The following SLC17A9 variants were observed in gnomAD, a reference collection of about 807,000 sequenced individuals.
SLC17A9 encodes voltage-gated purine nucleotide uniporter SLC17A9.
In SLC17A9, 49 loss-of-function variants were observed where a neutral mutation model predicts 55.0. The ratio of observed to expected loss-of-function variants is 0.89; its 90% CI spans 0.71 to 1.13. SLC17A9 has a LOEUF of 1.13. SLC17A9 is among the 50% of genes most tolerant of loss of function. SLC17A9 has a pLI of 0.00. For synonymous variants in SLC17A9, 256 were observed against 247.4 expected (o/e 1.03, Z -0.32); for missense variants, 526 against 569.3 (o/e 0.92, Z 0.77).
rs1401882722 is a variant in SLC17A9 at position 62,962,734 on chromosome 20, G to A, written c.608G>A (p.Arg203Lys). 2.5e-6 allele frequency: 4 copies of A among 1,613,830 alleles called. No individual in the cohort carries two copies. Among genetic ancestry groups the A allele is most frequent in the Middle Eastern group, 3.3e-4 (2 of 6,084 alleles). ...TTGCTTTGGGTGTGGTACGTGTACA[G>A]GTACCTGCTGAGTGAAAAAGGTAAC... ...LTLLWVWYVY[R>K]YLLSEKDLIL... The change falls in exon 5 of 13, where the codon AGG becomes AAG. Residue 203 changes from arginine (R) to lysine (K), a missense_variant. Coordinates refer to ENST00000370351, the MANE Select transcript of SLC17A9 (RefSeq NM_022082.4). The surrounding 1 kb of genome is among the most constrained non-coding windows in gnomAD (Gnocchi z 5.5).
chr20:62,965,881 G>A (rs1020017686), intron 10 of SLC17A9, among the ~76,000 whole-genome samples, 156 bp downstream of exon 10: 9 of 152,248 alleles, frequency 5.9e-5, no homozygotes, highest in African/African-American at 1.9e-4. Context: ...TGAAGACCCA[G>A]TAGTTCTTTA....
At chr20:62,955,312 T>C (rs915341328) in intron 1 of SLC17A9, among the ~76,000 whole-genome samples, 3 of 151,594 alleles carry the variant, frequency 2.0e-5, no homozygotes, top group Admixed American at 6.6e-5. Context: ...TACGCCTGGC[T>C]AATTTTTACA....
At chr20:62,957,692 G>C (rs2065549649) in intron 3 of SLC17A9, 112 bp downstream of exon 3, 2 of 983,592 alleles carry the variant, frequency 2.0e-6, no homozygotes, top group Non-Finnish European at 2.8e-6. Context: ...TGGTGTACAA[G>C]TGTGTGTGTA....
rs551650062 is a variant in SLC17A9 at position 62,957,849 on chromosome 20, G to C, written c.397+269G>C. Among the ~76,000 whole-genome samples the C allele has an allele frequency of 1.6e-3, 181 of 116,362 alleles. 9 individuals carry two copies. The highest frequency in any genetic ancestry group is 4.8e-3 in the African/African-American group (171 of 35,688). The allele number at this position is 116,362 out of a possible 152,430, so 76.3% of individuals were successfully genotyped here. A position where few individuals can be genotyped will look rare whatever the true frequency, so the allele number is the denominator to read the frequency against. On this transcript the variant is annotated intron_variant, in intron 3 of 12. Transcript: ENST00000370351. ...CATGCCCGCGTGCATGCGTGCACCT[G>C]TGCGTGTGCGTGTGCAAGTGTGTGT...
At chr20:62,960,164 CAT>C (rs1491093295) in intron 3 of SLC17A9, among the ~76,000 whole-genome samples, 1 of 152,192 alleles carries the variant, frequency 6.6e-6, no homozygotes. Context: ...TGTGCAGGCG[CAT>C]GTGTGTGTGT....
chr20:62,960,604 G>GT lies in SLC17A9; in HGVS notation c.497+2dup. ...TCGTGGGCGCCGGCTCCCAGTTTGG[G>GT]TAAGTCCTGGCCTAAGACGGGGCCC... is the stretch of plus-strand genomic sequence containing the variant. On this transcript the variant is annotated splice_donor_variant, in intron 4 of 12. Coordinates refer to ENST00000370351, the MANE Select transcript of SLC17A9 (RefSeq NM_022082.4). LOFTEE classifies it high-confidence loss of function. 6.2e-7 allele frequency: 1 copy of GT among 1,610,434 alleles called. No homozygotes were observed. The highest frequency in any genetic ancestry group is 8.5e-7 in the Non-Finnish European group (1 of 1,179,160).
intron 1 of SLC17A9, among the ~76,000 whole-genome samples, chr20:62,953,459 G>C (rs1257170407): frequency 6.6e-6 from 1 of 152,246 alleles, no homozygotes; most frequent in African/African-American, 2.4e-5. Context: ...AGGCTCCCTG[G>C]GCAGGTGACG....
At chr20:62,960,703 A>T (rs1472281571) in intron 4 of SLC17A9, 100 bp downstream of exon 4, 2 of 1,180,132 alleles carry the variant, frequency 1.7e-6, no homozygotes, top group Non-Finnish European at 2.4e-6. Context: ...ATGGGCTTGC[A>T]GGGCCACCAT....
At chr20:62,965,392 C>T (rs1022194875) in intron 9 of SLC17A9, among the ~76,000 whole-genome samples, 1 of 152,006 alleles carries the variant, frequency 6.6e-6, no homozygotes, top group Non-Finnish European at 1.5e-5. Flanking sequence ...CTGAGCTTGC[C>T]CACGTCGAAT....
intron 12 of SLC17A9, 98 bp from the exon 13 acceptor site, chr20:62,967,239 C>A (rs2147662858): frequency 6.9e-7 from 1 of 1,456,322 alleles, no homozygotes; most frequent in Non-Finnish European, 9.5e-7. Flanking sequence ...GGCGCTAGAC[C>A]CCCAGCCCTT....
intron 1 of SLC17A9, among the ~76,000 whole-genome samples, chr20:62,956,261 G>A (rs988739053): frequency 1.3e-5 from 2 of 152,198 alleles, no homozygotes; most frequent in East Asian, 1.9e-4. Context: ...CGAGAAGGCC[G>A]TATACCTGCC....
intron 1 of SLC17A9, 51 bp from the exon 2 acceptor site, chr20:62,956,714 G>T: frequency 6.5e-7 from 1 of 1,541,254 alleles, no homozygotes; most frequent in Admixed American, 1.8e-5. Context: ...TGAACTCGAA[G>T]CAGCAGGGCC....
intron 8 of SLC17A9, among the ~76,000 whole-genome samples, chr20:62,964,799 A>G (rs1317635866): frequency 1.3e-5 from 2 of 152,246 alleles, no homozygotes; most frequent in Non-Finnish European, 2.9e-5. Context: ...TGCAAAAGGA[A>G]TACACACTCG....
rs2065663555 is a variant in SLC17A9 at position 62,969,167 on chromosome 20, C to T, written c.*1667C>T. The T allele has an allele frequency of 1.3e-5, 2 of 152,200 alleles. No individual in the cohort carries two copies. Among genetic ancestry groups the T allele is most frequent in the Non-Finnish European group, 2.9e-5 (2 of 68,050 alleles). 9.4% of individuals were successfully genotyped at this position (152,200 alleles called of 1,614,324 possible). On this transcript the variant is annotated 3_prime_UTR_variant, in exon 13 of 13. Transcript: ENST00000370351. The stretch of plus-strand genomic sequence containing the variant: ...CCTGCGGCTGAGTTCAGAGGTGGGG[C>T]CTGTGCGTTGTGAATGAATTGCTGT...
At chr20:62,955,512 A>G (rs1359474096) in intron 1 of SLC17A9, among the ~76,000 whole-genome samples, 1 of 151,088 alleles carries the variant, frequency 6.6e-6, no homozygotes, top group Non-Finnish European at 1.5e-5. Context: ...GGATGTCCCC[A>G]TGTTTCCCAG....
intron 4 of SLC17A9, among the ~76,000 whole-genome samples, chr20:62,961,588 T>TTAC (rs1438639168): frequency 2.6e-5 from 4 of 152,062 alleles, no homozygotes; most frequent in Non-Finnish European, 5.9e-5. Context: ...GGCCCTCGTG[T>TTAC]TACTGTTGCT....
chr20:62,955,670 G>T (rs2065530982), intron 1 of SLC17A9, among the ~76,000 whole-genome samples: 1 of 152,170 alleles, frequency 6.6e-6, no homozygotes, highest in African/African-American at 2.4e-5. Context: ...AAAGTTAAGG[G>T]TGGGGGCCCC....
intron 1 of SLC17A9, among the ~76,000 whole-genome samples, chr20:62,953,597 T>A (rs1434898194): frequency 3.9e-5 from 6 of 152,206 alleles, no homozygotes; most frequent in African/African-American, 1.4e-4. Context: ...GCTGAGGCCT[T>A]AAGTGGCTGG....
At chr20:62,953,202 C>T in intron 1 of SLC17A9, 3 of 1,550,436 alleles carry the variant, frequency 1.9e-6, no homozygotes, top group Non-Finnish European at 2.6e-6. Context: ...GAGGCATACC[C>T]CTCGCCAGGT....
Sources: allele counts gnomAD v4.1 joint callset (sites outside exome capture counted in the v4.1 genomes callset), GRCh38; gene constraint gnomAD v4.1.1; non-coding constraint Gnocchi (gnomAD v3.1); transcripts MANE v1.5; gene names NCBI Gene and HGNC (gene_info 2026-07-23, HGNC 2026-07-21).